The following RNF115 variants were observed in gnomAD, a reference collection of about 807,000 sequenced individuals.
The protein encoded by RNF115 is ring finger protein 115.
Under a neutral mutation model 39.2 loss-of-function variants are expected in RNF115, and 31 were observed. That is an observed-to-expected ratio of 0.79 (90% CI 0.59 to 1.07). RNF115 has a LOEUF of 1.07. Ranked by LOEUF, RNF115 falls within the 50% of genes least tolerant of loss-of-function variation. RNF115 has a pLI of 0.00. For synonymous variants in RNF115, 124 were observed against 131.0 expected, an observed-to-expected ratio of 0.95 and a Z score of 0.37; for missense variants, 384 against 381.7, an observed-to-expected ratio of 1.01 and a Z score of -0.05.
intron 1 of RNF115, among the ~76,000 whole-genome samples, chr1:145,812,573 T>G: frequency 6.6e-6 from 1 of 151,708 alleles, no homozygotes; most frequent in Middle Eastern, 3.4e-3. Flanking sequence ...GGCACAAGAA[T>G]TGCTTGAACG....
chr1:145,792,339 T>C (rs1553719112), intron 1 of RNF115, among the ~76,000 whole-genome samples: 1 of 151,964 alleles, frequency 6.6e-6, no homozygotes, highest in Non-Finnish European at 1.5e-5. Context: ...TGAAACACTT[T>C]TTTTCTAAAG....
At chr1:145,791,355 A>AC (rs1246666825) in intron 1 of RNF115, among the ~76,000 whole-genome samples, 1 of 150,674 alleles carries the variant, frequency 6.6e-6, no homozygotes, top group Non-Finnish European at 1.5e-5. Flanking sequence ...CTACTTAAAA[A>AC]AAAAAAAAAA....
chr1:145,783,358 C>T (rs975738456), intron 3 of RNF115, among the ~76,000 whole-genome samples: 1 of 152,060 alleles, frequency 6.6e-6, no homozygotes, highest in Non-Finnish European at 1.5e-5. Context: ...AGGACCATTA[C>T]CCAGACAATG....
intron 4 of RNF115, among the ~76,000 whole-genome samples, chr1:145,763,552 T>C (rs1658614918): frequency 6.6e-6 from 1 of 151,932 alleles, no homozygotes; most frequent in Non-Finnish European, 1.5e-5. Flanking sequence ...ACAAAAAATT[T>C]TCCAGGCATG....
intron 6 of RNF115, among the ~76,000 whole-genome samples, chr1:145,750,984 A>C (rs1188211104): frequency 2.6e-5 from 4 of 152,216 alleles, no homozygotes; most frequent in African/African-American, 9.6e-5. Context: ...ATGAAAAACC[A>C]ATCAAATTAA....
intron 4 of RNF115, among the ~76,000 whole-genome samples, chr1:145,767,992 T>TC (rs1647452062): frequency 6.6e-6 from 1 of 151,474 alleles, no homozygotes; most frequent in Admixed American, 6.6e-5. Context: ...AGGGAGACCG[T>TC]GGGGAGAGGG....
In RNF115 at chr1:145,788,379, C is replaced by T. The variant is rs189552015; in HGVS notation, c.161+529G>A. On this transcript the variant is annotated intron_variant, in intron 2 of 8. Transcript: ENST00000582693. Reference sequence around the variant, plus strand: ...TTACAGGCGTGAGCCACCACACTGGCCAAATAACCTTAATAAGAACAAGAG... The same window carrying T: ...TTACAGGCGTGAGCCACCACACTGGTCAAATAACCTTAATAAGAACAAGAG... Among the ~76,000 whole-genome samples, 10 of 152,202 alleles carry T rather than the reference C, an allele frequency of 6.6e-5. No homozygotes were observed. In the East Asian group the frequency reaches 1.7e-3, roughly 26 times the overall value.
chr1:145,751,091 G>T (rs1166159533), intron 6 of RNF115, among the ~76,000 whole-genome samples: 10 of 152,134 alleles, frequency 6.6e-5, no homozygotes, highest in Non-Finnish European at 1.3e-4. Flanking sequence ...AGAAATCCCT[G>T]CTTCAACATG....
rs965560876 is a variant in RNF115, at chr1:145,745,059, G to A, written c.*1807C>T. On this transcript the variant is annotated 3_prime_UTR_variant, in exon 9 of 9. Transcript: ENST00000582693. ...AAAATAGGCTTAAAAATTAAAATGT[G>A]ACAATGTAAAATCTTAACTCCTGAA... is the stretch of plus-strand genomic sequence containing the variant. 1.6e-4 allele frequency: 24 copies of A among 152,136 alleles called. No individual in the cohort carries two copies. Among genetic ancestry groups the A allele is most frequent in the African/African-American group, 5.8e-4 (24 of 41,422 alleles). 9.4% of individuals were successfully genotyped at this position (152,136 alleles called of 1,614,324 possible). A position where few individuals can be genotyped will look rare whatever the true frequency, so the allele number is the denominator to read the frequency against.
At position 145,744,322 on chromosome 1, in the gene RNF115, A is replaced by C. The variant is rs1553711350; in HGVS notation, c.*2544T>G. The C allele has an allele frequency of 6.6e-6, 1 of 152,214 alleles. No individual in the cohort carries two copies. Among genetic ancestry groups the C allele is most frequent in the Non-Finnish European group, 1.5e-5 (1 of 68,036 alleles). The allele number at this position is 152,214 out of a possible 1,614,324, so 9.4% of individuals were successfully genotyped here. ...CATAATACACCTCTAATTTCCTTCC[A>C]TCCTCCTCCCCAATTCAAAACCAGT... is the stretch of plus-strand genomic sequence containing the variant. On this transcript the variant is annotated 3_prime_UTR_variant, in exon 9 of 9. Coordinates refer to ENST00000582693, the MANE Select transcript of RNF115 (RefSeq NM_014455.4).
chr1:145,809,481 C>A (rs1369680749), intron 1 of RNF115, among the ~76,000 whole-genome samples: 2 of 90,254 alleles, frequency 2.2e-5, no homozygotes, highest in Admixed American at 1.4e-4. Flanking sequence ...GCACCCAGAC[C>A]CAGCTAATTT....
At chr1:145,799,437 GGTGCTTTTCTTTT>G (rs1420356948) in intron 1 of RNF115, among the ~76,000 whole-genome samples, 2 of 152,016 alleles carry the variant, frequency 1.3e-5, no homozygotes, top group Non-Finnish European at 2.9e-5. Flanking sequence ...TTCTAATTTG[GGTGCTTTTCTTTT>G]TCTTGCCTAA....
intron 3 of RNF115, among the ~76,000 whole-genome samples, chr1:145,775,713 C>A (rs1325690697): frequency 6.6e-6 from 1 of 152,018 alleles, no homozygotes; most frequent in African/African-American, 2.4e-5. Context: ...CTTATTGTAA[C>A]CGGGCGCAGT....
At chr1:145,797,633 G>T (rs1363331922) in intron 1 of RNF115, among the ~76,000 whole-genome samples, 1 of 152,136 alleles carries the variant, frequency 6.6e-6, no homozygotes, top group Non-Finnish European at 1.5e-5. Context: ...CTGAGGTCCT[G>T]CATTGAATAC....
intron 1 of RNF115, among the ~76,000 whole-genome samples, chr1:145,807,924 T>C (rs1649528649): frequency 6.6e-6 from 1 of 152,154 alleles, no homozygotes. Flanking sequence ...CTCCCACATA[T>C]GAGTGGGAAT....
chr1:145,759,809 T>C (rs1193646217), intron 4 of RNF115, among the ~76,000 whole-genome samples: 3 of 152,174 alleles, frequency 2.0e-5, no homozygotes, highest in African/African-American at 7.2e-5. Context: ...CAACTTCTCC[T>C]ACCATTCCCC....
intron 1 of RNF115, among the ~76,000 whole-genome samples, chr1:145,801,434 A>G (rs1649239198): frequency 6.6e-6 from 1 of 151,662 alleles, no homozygotes; most frequent in Non-Finnish European, 1.5e-5. Flanking sequence ...GCGTGGTGGC[A>G]CATGCCTGTA....
chr1:145,760,282 C>CT (rs1311918480), intron 4 of RNF115, among the ~76,000 whole-genome samples: 1 of 152,116 alleles, frequency 6.6e-6, no homozygotes, highest in Non-Finnish European at 1.5e-5. Flanking sequence ...TTAGCTGGGC[C>CT]TAGTGCTGCA....
At chr1:145,774,711 T>G (rs1399119485) in intron 3 of RNF115, among the ~76,000 whole-genome samples, 1 of 152,242 alleles carries the variant, frequency 6.6e-6, no homozygotes, top group Non-Finnish European at 1.5e-5. Context: ...TTTTCAGTAC[T>G]CATCAGTTGT....
Sources: gnomAD v4.1 joint callset for allele counts (sites outside exome capture counted in the v4.1 genomes callset) on GRCh38, gnomAD v4.1.1 for gene constraint, MANE v1.5 for transcripts, NCBI Gene and HGNC (gene_info 2026-07-23, HGNC 2026-07-21) for gene names.